The following GRID2 variants were observed in gnomAD, a reference collection of about 807,000 sequenced individuals.
GRID2 encodes glutamate receptor ionotropic, delta-2.
A neutral mutation model predicts 114.8 loss-of-function variants in GRID2; 33 were observed. The ratio of observed to expected loss-of-function variants is 0.29; its 90% CI spans 0.22 to 0.38. GRID2 has a LOEUF of 0.38. GRID2 is among the 10% of genes least tolerant of loss of function. GRID2 has a pLI of 1.00. For synonymous variants in GRID2, 505 were observed against 449.9 expected (o/e 1.12, Z -1.55); for missense variants, 1,184 against 1,257.7 (o/e 0.94, Z 0.89).
chr4:92,806,251 A>G (rs1208161279), intron 2 of GRID2, among the ~76,000 whole-genome samples: 1 of 151,544 alleles, frequency 6.6e-6, no homozygotes, highest in Non-Finnish European at 1.5e-5. Flanking sequence ...ACCTTAAGAG[A>G]TTCCATTCAC....
chr4:93,699,930 T>C (rs1313652882), intron 14 of GRID2, among the ~76,000 whole-genome samples: 2 of 152,136 alleles, frequency 1.3e-5, no homozygotes, highest in Non-Finnish European at 2.9e-5. Flanking sequence ...TAAACTAGAC[T>C]TCTAACCAAC....
intron 2 of GRID2, among the ~76,000 whole-genome samples, chr4:92,774,577 C>CTTT (rs1166044188): frequency 1.9e-3 from 207 of 106,336 alleles, no homozygotes; most frequent in Middle Eastern, 0.016. Flanking sequence ...TTTTTCTTTC[C>CTTT]TTTTTTTTTT....
intron 4 of GRID2, among the ~76,000 whole-genome samples, chr4:93,140,160 C>CTT (rs10684978): frequency 0.33 from 42,629 of 127,956 alleles, 7,856 homozygotes; most frequent in Admixed American, 0.46. Context: ...CTTTTCTTTT[C>CTT]TTTTTTTTTT....
chr4:92,982,407 T>C (rs1754275493), intron 2 of GRID2, among the ~76,000 whole-genome samples: 1 of 152,138 alleles, frequency 6.6e-6, no homozygotes, highest in Admixed American at 6.6e-5. Flanking sequence ...AATGTCATTT[T>C]AGCAATGACA....
Position 93,271,879 on chromosome 4 carries a change from T to C in GRID2, c.1245+33389T>C, listed in dbSNP as rs183607269. 7.5e-4 allele frequency among the ~76,000 whole-genome samples: 114 copies of C among 152,366 alleles called. 1 individual carries two copies. The highest frequency in any genetic ancestry group is 2.6e-3 in the African/African-American group (108 of 41,600). ...TACACAGATGAATAATTACATTTTA[T>C]GTCTTTGTAGCATTTTATAATTTTA... On this transcript the variant is annotated intron_variant, in intron 8 of 15. Coordinates refer to ENST00000282020, the MANE Select transcript of GRID2 (RefSeq NM_001510.4).
At chr4:92,362,839 T>A (rs757967740) in intron 1 of GRID2, among the ~76,000 whole-genome samples, 1 of 152,004 alleles carries the variant, frequency 6.6e-6, no homozygotes, top group Non-Finnish European at 1.5e-5. Flanking sequence ...AATTGTGTCA[T>A]TGTATATATT....
intron 8 of GRID2, among the ~76,000 whole-genome samples, chr4:93,243,370 G>A (rs1021335701): frequency 3.3e-5 from 5 of 151,870 alleles, no homozygotes; most frequent in Non-Finnish European, 5.9e-5. Flanking sequence ...ATAACACCAC[G>A]CAAACAATTG....
intron 8 of GRID2, among the ~76,000 whole-genome samples, chr4:93,269,339 C>A (rs1159867912): frequency 6.6e-6 from 1 of 152,270 alleles, no homozygotes; most frequent in African/African-American, 2.4e-5. Flanking sequence ...TACAGAAAAT[C>A]ACTGTCCTAA....
chr4:92,613,251 T>G (rs1729841783), intron 2 of GRID2, among the ~76,000 whole-genome samples: 1 of 151,364 alleles, frequency 6.6e-6, no homozygotes, highest in Non-Finnish European at 1.5e-5. Context: ...TCAGCCAAAT[T>G]TGCATTCCTG....
At chr4:92,639,952 A>C (rs1205716626) in intron 2 of GRID2, among the ~76,000 whole-genome samples, 3 of 151,782 alleles carry the variant, frequency 2.0e-5, no homozygotes, top group African/African-American at 7.2e-5. Flanking sequence ...TGTAAAATTG[A>C]GGCCTTCTTG....
intron 2 of GRID2, among the ~76,000 whole-genome samples, chr4:92,983,618 CAAG>C (rs1560768866): frequency 6.6e-6 from 1 of 151,918 alleles, no homozygotes; most frequent in African/African-American, 2.4e-5. Context: ...GTCTCATAAG[CAAG>C]AAGGAATAAT....
At chr4:93,628,450 G>C (rs1320675941) in intron 14 of GRID2, among the ~76,000 whole-genome samples, 1 of 152,112 alleles carries the variant, frequency 6.6e-6, no homozygotes, top group African/African-American at 2.4e-5. Flanking sequence ...AGGAAAATGA[G>C]TGAAAGCTCT....
intron 2 of GRID2, among the ~76,000 whole-genome samples, chr4:92,611,966 G>A (rs1729769702): frequency 6.6e-6 from 1 of 150,986 alleles, no homozygotes; most frequent in Non-Finnish European, 1.5e-5. Flanking sequence ...TTTTCTTAGT[G>A]GAGTATTTTA....
At chr4:93,794,036 AG>A (rs1734748420) in intron 1 of GRID2, among the ~76,000 whole-genome samples, 3 of 152,024 alleles carry the variant, frequency 2.0e-5, no homozygotes, top group South Asian at 4.2e-4. Flanking sequence ...AAAAAAAAAA[AG>A]AATATGATTT....
At chr4:93,057,443 C>G (rs1727366036) in intron 2 of GRID2, among the ~76,000 whole-genome samples, 1 of 151,780 alleles carries the variant, frequency 6.6e-6, no homozygotes, top group Admixed American at 6.6e-5. Context: ...TGTTGTTGTT[C>G]ATTCCCTGAT....
chr4:92,453,533 A>C (rs1005416951), intron 1 of GRID2, among the ~76,000 whole-genome samples: 1 of 152,190 alleles, frequency 6.6e-6, no homozygotes, highest in Non-Finnish European at 1.5e-5. Flanking sequence ...TTTTTAATGT[A>C]CATGTTGAAA....
At chr4:93,011,318 G>A (rs1722115070) in intron 2 of GRID2, among the ~76,000 whole-genome samples, 1 of 151,874 alleles carries the variant, frequency 6.6e-6, no homozygotes, top group Admixed American at 6.6e-5. Flanking sequence ...GAAGCTCTCA[G>A]AAACTCATCT....
intron 14 of GRID2, among the ~76,000 whole-genome samples, chr4:93,671,627 A>G (rs1234958028): frequency 6.6e-6 from 1 of 152,182 alleles, no homozygotes; most frequent in African/African-American, 2.4e-5. Context: ...GATTAGAAAC[A>G]TGAAAGTTAA....
At chr4:92,714,363 G>T (rs1157368633) in intron 2 of GRID2, among the ~76,000 whole-genome samples, 1 of 152,174 alleles carries the variant, frequency 6.6e-6, no homozygotes, top group African/African-American at 2.4e-5. Flanking sequence ...GTTTTCACAG[G>T]CTGGCGTTTA....
Sources: gnomAD v4.1 joint callset for allele counts (sites outside exome capture counted in the v4.1 genomes callset) on GRCh38, gnomAD v4.1.1 for gene constraint, MANE v1.5 for transcripts, NCBI Gene and HGNC (gene_info 2026-07-23, HGNC 2026-07-21) for gene names.